The following EEIG2 variants were observed in gnomAD, a reference collection of about 807,000 sequenced individuals.
EEIG2 encodes the protein EEIG family member 2, also known as family with sequence similarity 102 member B.
At chr1:108,635,836 A>G in the EEIG2 span, 2 of 152,238 alleles carry the variant, frequency 1.3e-5, no homozygotes, top group African/African-American at 4.8e-5. Context: ...TTAATATTAG[A>G]TGAGCTGCAG....
At chr1:108,590,148 TAAAAC>T in the EEIG2 span, among the ~76,000 whole-genome samples, 2 of 152,242 alleles carry the variant, frequency 1.3e-5, no homozygotes, top group Admixed American at 6.5e-5. Context: ...AAGAAATAAA[TAAAAC>T]AAAATCTTCT....
chr1:108,574,357 G>A, the EEIG2 span, among the ~76,000 whole-genome samples: 1 of 152,166 alleles, frequency 6.6e-6, no homozygotes, highest in Non-Finnish European at 1.5e-5. Flanking sequence ...GCCAGGGCCT[G>A]TGGTAGGGAA....
chr1:108,624,681 T>G, the EEIG2 span: 1 of 1,614,106 alleles, frequency 6.2e-7, no homozygotes, highest in Non-Finnish European at 8.5e-7. Flanking sequence ...CAATTGCTGG[T>G]GAATCTGAAT....
chr1:108,628,119 A>G, the EEIG2 span: 12 of 1,514,266 alleles, frequency 7.9e-6, no homozygotes, highest in East Asian at 4.5e-5. Flanking sequence ...CAAATTGACC[A>G]TTAACTTTTT....
chr1:108,608,389 G>A, the EEIG2 span, among the ~76,000 whole-genome samples: 3 of 152,184 alleles, frequency 2.0e-5, no homozygotes, highest in Admixed American at 1.3e-4. Context: ...AACTATAAGA[G>A]TAGGAATGAC....
the EEIG2 span, among the ~76,000 whole-genome samples, chr1:108,568,667 A>G: frequency 2.6e-5 from 4 of 152,236 alleles, no homozygotes; most frequent in East Asian, 5.8e-4. Context: ...CTTCTCTTTC[A>G]TATGAAGTCC....
At chr1:108,629,710 A>T in the EEIG2 span, 2 of 1,372,552 alleles carry the variant, frequency 1.5e-6, no homozygotes, top group Non-Finnish European at 2.1e-6. Flanking sequence ...TTTTTAAAAA[A>T]ATCATGAGTA....
the EEIG2 span, among the ~76,000 whole-genome samples, chr1:108,576,152 TA>T: frequency 6.6e-6 from 1 of 152,188 alleles, no homozygotes. Context: ...TGGCTCCTAA[TA>T]AAGCTTTCTT....
At chr1:108,628,107 T>C in the EEIG2 span, 6 of 1,431,196 alleles carry the variant, frequency 4.2e-6, no homozygotes, top group Middle Eastern at 1.8e-4. Context: ...CAGAGTAGAA[T>C]ACAAATTGAC....
chr1:108,593,737 C>T, the EEIG2 span, among the ~76,000 whole-genome samples: 1 of 152,124 alleles, frequency 6.6e-6, no homozygotes, highest in Non-Finnish European at 1.5e-5. Flanking sequence ...GTGGGTTCAC[C>T]AGTTAACATG....
the EEIG2 span, among the ~76,000 whole-genome samples, chr1:108,601,802 AC>A: frequency 6.6e-6 from 1 of 152,188 alleles, no homozygotes; most frequent in African/African-American, 2.4e-5. Flanking sequence ...ACCATTTTTT[AC>A]CTATAAAGTT....
chr1:108,631,942 C>T, the EEIG2 span, among the ~76,000 whole-genome samples: 1 of 151,502 alleles, frequency 6.6e-6, no homozygotes, highest in Non-Finnish European at 1.5e-5. Context: ...GGCAAACTCC[C>T]ATCTGTACTA....
the EEIG2 span, among the ~76,000 whole-genome samples, chr1:108,619,621 CT>C: frequency 6.6e-6 from 1 of 152,184 alleles, no homozygotes; most frequent in African/African-American, 2.4e-5. Context: ...AGCATGGTGG[CT>C]TATGCCTGTA....
chr1:108,613,541 C>T, the EEIG2 span, among the ~76,000 whole-genome samples: 19 of 152,172 alleles, frequency 1.2e-4, no homozygotes, highest in Non-Finnish European at 2.5e-4. Context: ...AGAGCCAACT[C>T]ATGGAGTAAT....
At chr1:108,603,625 A>G in the EEIG2 span, among the ~76,000 whole-genome samples, 2 of 152,240 alleles carry the variant, frequency 1.3e-5, no homozygotes, top group Non-Finnish European at 2.9e-5. Context: ...ACGAAGAGAC[A>G]TGACTACATG....
the EEIG2 span, among the ~76,000 whole-genome samples, chr1:108,582,275 G>A: frequency 7.9e-5 from 12 of 152,194 alleles, no homozygotes; most frequent in South Asian, 4.1e-4. Context: ...GCTTCACTGC[G>A]GTGGTCTGGA....
the EEIG2 span, among the ~76,000 whole-genome samples, chr1:108,618,514 T>C: frequency 6.6e-6 from 1 of 152,146 alleles, no homozygotes; most frequent in African/African-American, 2.4e-5. Context: ...ACCATTGAAA[T>C]ATCTGAGAAA....
chr1:108,572,976 T>A, the EEIG2 span, among the ~76,000 whole-genome samples: 12 of 152,254 alleles, frequency 7.9e-5, no homozygotes, highest in Non-Finnish European at 1.3e-4. Context: ...AGTAATTATC[T>A]GGATATACTA....
the EEIG2 span, among the ~76,000 whole-genome samples, chr1:108,594,506 G>T: frequency 6.6e-6 from 1 of 152,152 alleles, no homozygotes; most frequent in South Asian, 2.1e-4. Flanking sequence ...CCTTTGACAA[G>T]TCACATAATT....
Sources: allele counts gnomAD v4.1 joint callset (sites outside exome capture counted in the v4.1 genomes callset), GRCh38; gene constraint gnomAD v4.1.1; transcripts MANE v1.5; gene names NCBI Gene and HGNC (gene_info 2026-07-23, HGNC 2026-07-21).